Variants in PTGR2 observed in about 807,000 individuals in gnomAD.
The protein encoded by PTGR2 is prostaglandin reductase 2.
PTGR2 carries 32 observed loss-of-function variants against 43.4 expected under a neutral mutation model. The ratio of observed to expected loss-of-function variants is 0.74; its 90% CI spans 0.56 to 0.99. The LOEUF (loss-of-function observed/expected upper bound fraction) is 0.99, where lower values mean the gene tolerates loss of function less well. Among genes scored for constraint, PTGR2 ranks in the 50% least tolerant of loss-of-function variants. The pLI is 0.00. For synonymous variants in PTGR2, 106 were observed against 139.2 expected (o/e 0.76, Z 1.68); for missense variants, 373 against 420.0 (o/e 0.89, Z 0.98).
chr14:73,858,725 T>C (rs2054419845), intron 1 of PTGR2, 91 bp from the exon 2 acceptor site: 3 of 541,752 alleles, frequency 5.5e-6, no homozygotes, highest in Admixed American at 3.5e-5. Flanking sequence ...TTTTTCTCCC[T>C]CTTCATTGGG....
chr14:73,866,536 T>A (rs2054599666), intron 3 of PTGR2, among the ~76,000 whole-genome samples: 1 of 152,128 alleles, frequency 6.6e-6, no homozygotes, highest in African/African-American at 2.4e-5. Context: ...AAGATTTTGA[T>A]AGGGATTTTG....
chr14:73,860,781 T>C, intron 3 of PTGR2, 124 bp downstream of exon 3: 1 of 567,580 alleles, frequency 1.8e-6, no homozygotes, highest in Non-Finnish European at 3.2e-6. Context: ...TATATATTGA[T>C]ACCTTTTAAT....
At chr14:73,883,344 T>G (rs1222143091) in intron 9 of PTGR2, among the ~76,000 whole-genome samples, 1 of 146,460 alleles carries the variant, frequency 6.8e-6, no homozygotes, top group Non-Finnish European at 1.5e-5. Context: ...TACAATTACC[T>G]GCCACTATGC....
At chr14:73,856,852 G>GTAAC (rs1276129987) in intron 1 of PTGR2, among the ~76,000 whole-genome samples, 2 of 152,194 alleles carry the variant, frequency 1.3e-5, no homozygotes, top group African/African-American at 4.8e-5. Flanking sequence ...TTGGCACATA[G>GTAAC]TAACACTAAG....
chr14:73,859,026 T>TCTTTAC, intron 2 of PTGR2, 127 bp downstream of exon 2: 1 of 632,400 alleles, frequency 1.6e-6, no homozygotes, highest in Non-Finnish European at 2.6e-6. Context: ...AGTAAAGATA[T>TCTTTAC]TAGAAGAAAC....
At chr14:73,883,398 C>T (rs966614650) in intron 9 of PTGR2, among the ~76,000 whole-genome samples, 2 of 149,832 alleles carry the variant, frequency 1.3e-5, no homozygotes. Flanking sequence ...AACAGGGTCT[C>T]ACTATATTGT....
Position 73,874,159 on chromosome 14 carries a change from C to A in PTGR2, c.293C>A (p.Ser98Tyr). ...TNLTKGDFVT[S>Y]FYWPWQTKVI... ...TTGACTAAAGGCGATTTTGTGACTT[C>A]TTTCTATTGGCCCTGGCAAACCAAG... The change falls in exon 4 of 10, where the codon TCT becomes TAT. Residue 98 changes from serine to tyrosine, a missense_variant. Coordinates refer to ENST00000555661, the MANE Select transcript of PTGR2 (RefSeq NM_001146154.2). 6.2e-7 allele frequency: 1 copy of A among 1,613,926 alleles called. No individual in the cohort carries two copies. The highest frequency in any genetic ancestry group is 8.5e-7 in the Non-Finnish European group (1 of 1,179,972).
chr14:73,876,915 T>G (rs1439015017), intron 4 of PTGR2, 83 bp from the exon 5 acceptor site: 1 of 998,570 alleles, frequency 1.0e-6, no homozygotes, highest in Non-Finnish European at 1.5e-6. Flanking sequence ...GGGACGCAAT[T>G]CAGTCCATAA....
intron 4 of PTGR2, 75 bp downstream of exon 4, chr14:73,874,289 G>A (rs1170624991): frequency 6.8e-6 from 8 of 1,176,574 alleles, no homozygotes; most frequent in African/African-American, 3.1e-5. Context: ...ATTCAGTTGT[G>A]TTTGTAATCA....
chr14:73,866,428 C>T (rs1469124446), intron 3 of PTGR2, among the ~76,000 whole-genome samples: 1 of 152,096 alleles, frequency 6.6e-6, no homozygotes, highest in Non-Finnish European at 1.5e-5. Flanking sequence ...TGAGCCACCC[C>T]ACCTGGCCTG....
At chr14:73,880,304 G>A in intron 7 of PTGR2, 128 bp downstream of exon 7, 1 of 1,098,952 alleles carries the variant, frequency 9.1e-7, no homozygotes. Flanking sequence ...CGGGCATAGT[G>A]GCTTATGCCT....
intron 3 of PTGR2, among the ~76,000 whole-genome samples, chr14:73,865,159 C>T (rs1044549380): frequency 6.6e-6 from 1 of 152,162 alleles, no homozygotes; most frequent in African/African-American, 2.4e-5. Context: ...TGTCTACAAA[C>T]TGGAGAACCA....
chr14:73,867,137 A>G (rs1288541895), intron 3 of PTGR2, among the ~76,000 whole-genome samples: 1 of 151,298 alleles, frequency 6.6e-6, no homozygotes, highest in Non-Finnish European at 1.5e-5. Context: ...AAGAAGAAGA[A>G]GGTTGAACTA....
chr14:73,883,274 G>A (rs2055044111), intron 9 of PTGR2, among the ~76,000 whole-genome samples: 1 of 129,312 alleles, frequency 7.7e-6, no homozygotes, highest in Non-Finnish European at 1.6e-5. Flanking sequence ...CATGATCATA[G>A]CTAACTGTAA....
At chr14:73,857,238 GTTT>G (rs200670094) in intron 1 of PTGR2, among the ~76,000 whole-genome samples, 6 of 144,518 alleles carry the variant, frequency 4.2e-5, no homozygotes, top group African/African-American at 1.6e-4. Context: ...AGGAATTTCC[GTTT>G]TTTTTTTTTT....
chr14:73,879,988 A>G (rs1414372260), intron 6 of PTGR2, 67 bp from the exon 7 acceptor site: 3 of 1,543,814 alleles, frequency 1.9e-6, no homozygotes, highest in Non-Finnish European at 2.7e-6. Context: ...GGAGGCTTCC[A>G]TTATGGCAGC....
intron 1 of PTGR2, among the ~76,000 whole-genome samples, chr14:73,855,220 C>T (rs900383468): frequency 1.3e-5 from 2 of 152,026 alleles, no homozygotes; most frequent in African/African-American, 4.8e-5. Flanking sequence ...TGAATATGCA[C>T]TAGGTATTAG....
chr14:73,863,442 G>GT (rs1310438463), intron 3 of PTGR2, among the ~76,000 whole-genome samples: 2 of 152,082 alleles, frequency 1.3e-5, no homozygotes, highest in African/African-American at 2.4e-5. Context: ...GAGCTCTTGA[G>GT]TAGCTGAGAC....
chr14:73,856,359 C>T (rs2054346664), intron 1 of PTGR2, among the ~76,000 whole-genome samples: 1 of 152,140 alleles, frequency 6.6e-6, no homozygotes, highest in Admixed American at 6.5e-5. Context: ...GATTCTCCTG[C>T]CTCAGCCTCC....
Sources: allele counts gnomAD v4.1 joint callset (sites outside exome capture counted in the v4.1 genomes callset), GRCh38; gene constraint gnomAD v4.1.1; transcripts MANE v1.5; gene names NCBI Gene and HGNC (gene_info 2026-07-23, HGNC 2026-07-21).